The following SGF29 variants were observed in gnomAD, a reference collection of about 807,000 sequenced individuals.
SGF29 encodes SAGA complex associated factor 29.
In SGF29, 15 loss-of-function variants were observed where a neutral mutation model predicts 38.1. The ratio of observed to expected loss-of-function variants is 0.39; its 90% CI spans 0.26 to 0.61. The LOEUF (loss-of-function observed/expected upper bound fraction) is 0.61, where lower values mean the gene tolerates loss of function less well. Among genes scored for constraint, SGF29 ranks in the 20% least tolerant of loss-of-function variants. SGF29 has a pLI of 0.49. For synonymous variants in SGF29, 151 were observed against 160.8 expected, an observed-to-expected ratio of 0.94 and a Z score of 0.46; for missense variants, 184 against 394.6, an observed-to-expected ratio of 0.47 and a Z score of 4.52.
intron 1 of SGF29, among the ~76,000 whole-genome samples, chr16:28,563,475 A>G (rs575095064): frequency 2.0e-5 from 3 of 152,090 alleles, no homozygotes; most frequent in South Asian, 4.2e-4. Context: ...GAAAGTTTCA[A>G]CCTCTGTGTG....
rs957815398 is a variant in SGF29 at position 28,572,498 on chromosome 16, A to G, written c.-15-8557A>G. Among the ~76,000 whole-genome samples the G allele has an allele frequency of 7.2e-4, 105 of 145,640 alleles. 1 individual carries two copies. Among genetic ancestry groups the G allele is most frequent in the African/African-American group, 2.6e-3 (100 of 38,748 alleles). On this transcript the variant is annotated intron_variant, in intron 1 of 9. Transcript: ENST00000317058. ...TGGCCAGGCTGGTCTCAAACTCCTG[A>G]CCTCAGGTAATCCGCCTGCCTCGGC...
intron 4 of SGF29, among the ~76,000 whole-genome samples, chr16:28,586,073 G>A (rs2046954631): frequency 6.6e-6 from 1 of 152,220 alleles, no homozygotes; most frequent in African/African-American, 2.4e-5. Flanking sequence ...AGGATCACTT[G>A]AACGCAGGTG....
chr16:28,589,958 TC>T, intron 5 of SGF29, 137 bp from the exon 6 acceptor site: 1 of 1,248,772 alleles, frequency 8.0e-7, no homozygotes, highest in Non-Finnish European at 1.1e-6. Context: ...GCCGATGGGG[TC>T]ACAGTCCTGC....
chr16:28,564,786 T>C (rs59777471), intron 1 of SGF29, among the ~76,000 whole-genome samples: 5,596 of 110,154 alleles, frequency 0.051, 341 homozygotes, highest in African/African-American at 0.13. Context: ...TATATATATA[T>C]ACACACACAC....
rs183517614 is a variant in SGF29, at chr16:28,561,527, C to T, written c.-16+7430C>T. 7.8e-4 allele frequency among the ~76,000 whole-genome samples: 119 copies of T among 152,032 alleles called. 1 individual carries two copies. The highest frequency in any genetic ancestry group is 2.5e-3 in the African/African-American group (103 of 41,448). On this transcript the variant is annotated intron_variant, in intron 1 of 9. Transcript: ENST00000317058. Reference sequence around the variant, plus strand: ...CAGCCTGGGCAACAGAGCAAGACTCCGTCTCTAAAAACAAAAAACAAAAAA... The same window carrying T: ...CAGCCTGGGCAACAGAGCAAGACTCTGTCTCTAAAAACAAAAAACAAAAAA...
intron 1 of SGF29, among the ~76,000 whole-genome samples, 195 bp downstream of exon 1, chr16:28,554,292 A>C (rs1259961723): frequency 6.6e-6 from 1 of 150,460 alleles, no homozygotes; most frequent in Non-Finnish European, 1.5e-5. Context: ...GGGCTCGGGG[A>C]GGGCGGGCCC....
intron 1 of SGF29, among the ~76,000 whole-genome samples, chr16:28,555,046 C>G (rs1429950255): frequency 1.3e-5 from 2 of 152,192 alleles, no homozygotes; most frequent in East Asian, 1.9e-4. Context: ...GACTGGAGAA[C>G]AGTGGTGTTA....
intron 1 of SGF29, among the ~76,000 whole-genome samples, chr16:28,568,598 G>C (rs1052309373): frequency 4.0e-5 from 6 of 151,286 alleles, no homozygotes; most frequent in South Asian, 2.1e-4. Context: ...GGGGTGGTTG[G>C]GGGGGGCTCA....
intron 1 of SGF29, among the ~76,000 whole-genome samples, chr16:28,580,443 T>G (rs1160283952): frequency 6.6e-6 from 1 of 152,182 alleles, no homozygotes; most frequent in Admixed American, 6.5e-5. Context: ...GGGCCGTTAC[T>G]CCGCGCATCT....
chr16:28,564,786 TAC>T (rs780806116), intron 1 of SGF29, among the ~76,000 whole-genome samples: 35 of 110,376 alleles, frequency 3.2e-4, no homozygotes, highest in Non-Finnish European at 3.7e-4. Context: ...TATATATATA[TAC>T]ACACACACAC....
intron 1 of SGF29, among the ~76,000 whole-genome samples, chr16:28,555,307 A>G (rs1476754079): frequency 6.6e-6 from 1 of 152,052 alleles, no homozygotes; most frequent in Non-Finnish European, 1.5e-5. Context: ...CTTCTAAAAA[A>G]AAAAAAAAAA....
At chr16:28,580,572 A>G (rs747816280) in intron 1 of SGF29, among the ~76,000 whole-genome samples, 15 of 152,252 alleles carry the variant, frequency 9.9e-5, no homozygotes, top group African/African-American at 1.2e-4. Context: ...GGCACACCCT[A>G]TTCCACTATG....
At position 28,590,949 on chromosome 16, in the gene SGF29, C is replaced by G. The variant is rs373479351; in HGVS notation, c.765+14C>G. 1 of 1,598,614 alleles carries G rather than the reference C, an allele frequency of 6.3e-7. No homozygotes were observed. ...CCCCCACAGCGGGTAAAGCAGCCTC[C>G]AGGGGAGAGGCCATGGGTGATGTCA... is the stretch of plus-strand genomic sequence containing the variant. On this transcript the variant is annotated intron_variant, in intron 9 of 9. Coordinates refer to ENST00000317058, the MANE Select transcript of SGF29 (RefSeq NM_138414.3). This position sits in a 1 kb window ranked among gnomAD's most constrained non-coding sequence, Gnocchi z 8.2.
intron 1 of SGF29, among the ~76,000 whole-genome samples, chr16:28,565,592 G>A (rs1460165044): frequency 6.6e-6 from 1 of 152,044 alleles, no homozygotes; most frequent in Non-Finnish European, 1.5e-5. Flanking sequence ...CCTCCTCCTG[G>A]GTTCATGCAG....
At chr16:28,585,202 C>A in intron 3 of SGF29, 1 of 552,250 alleles carries the variant, frequency 1.8e-6, no homozygotes, top group South Asian at 2.4e-5. Flanking sequence ...TGAAATGAGG[C>A]TGTATCTAGG....
chr16:28,559,819 A>G (rs1313609921), intron 1 of SGF29, among the ~76,000 whole-genome samples: 1 of 152,216 alleles, frequency 6.6e-6, no homozygotes, highest in Non-Finnish European at 1.5e-5. Flanking sequence ...TTGGAGTTTG[A>G]GTTCAGCTGT....
At chr16:28,577,093 G>A (rs368032414) in intron 1 of SGF29, among the ~76,000 whole-genome samples, 9 of 152,068 alleles carry the variant, frequency 5.9e-5, no homozygotes, top group African/African-American at 1.2e-4. Context: ...ACTTGAACCC[G>A]GGAGGCGGAG....
intron 1 of SGF29, among the ~76,000 whole-genome samples, chr16:28,566,901 C>T (rs563135429): frequency 9.9e-5 from 15 of 152,220 alleles, no homozygotes; most frequent in Admixed American, 3.9e-4. Flanking sequence ...AACTCCTGAC[C>T]TCAGGTGATC....
chr16:28,576,163 T>TA (rs141815403), intron 1 of SGF29, among the ~76,000 whole-genome samples: 242 of 151,870 alleles, frequency 1.6e-3, no homozygotes, highest in Middle Eastern at 6.8e-3. Context: ...GTAAATACGT[T>TA]AAAAAAAACA....
Sources: allele counts gnomAD v4.1 joint callset (sites outside exome capture counted in the v4.1 genomes callset), GRCh38; gene constraint gnomAD v4.1.1; non-coding constraint Gnocchi (gnomAD v3.1); transcripts MANE v1.5; gene names NCBI Gene and HGNC (gene_info 2026-07-23, HGNC 2026-07-21).